The following SMG6 variants were observed in gnomAD, a reference collection of about 807,000 sequenced individuals.
The protein encoded by SMG6 is SMG6 nonsense mediated mRNA decay factor.
In SMG6, 66 loss-of-function variants were observed where a neutral mutation model predicts 142.2. The observed-to-expected ratio is 0.46, with a 90% confidence interval of 0.38 to 0.57. The LOEUF is 0.57. Among genes scored for constraint, SMG6 ranks in the 20% least tolerant of loss-of-function variants. The pLI is 0.00. For missense variants in SMG6, 1,793 were observed against 1,832.0 expected (o/e 0.98, Z 0.39); for synonymous variants, 779 against 702.4 (o/e 1.11, Z -1.72).
At chr17:2,063,244 C>T (rs997558107) in intron 18 of SMG6, 2 of 152,248 alleles carry the variant, frequency 1.3e-5, no homozygotes, top group Admixed American at 1.3e-4. Flanking sequence ...TGTTTTGACA[C>T]TGGTAACTTC....
chr17:2,136,698 T>G (rs1207111363), intron 13 of SMG6, among the ~76,000 whole-genome samples: 1 of 151,628 alleles, frequency 6.6e-6, no homozygotes, highest in African/African-American at 2.4e-5. Flanking sequence ...CAAAGACGAT[T>G]CAATCCCTGA....
At chr17:2,230,211 AAAAAAAAAAAG>A (rs2073437148) in intron 10 of SMG6, among the ~76,000 whole-genome samples, 4 of 114,106 alleles carry the variant, frequency 3.5e-5, no homozygotes, top group African/African-American at 6.9e-5. Flanking sequence ...AAAAAAAAAA[AAAAAAAAAAAG>A]GAAAAGAAAG....
At chr17:2,180,663 T>C (rs1476459648) in intron 12 of SMG6, among the ~76,000 whole-genome samples, 1 of 151,888 alleles carries the variant, frequency 6.6e-6, no homozygotes, top group Non-Finnish European at 1.5e-5. Flanking sequence ...GGAATTCCCC[T>C]CAGAGAGGGG....
chr17:2,261,770 A>C (rs987149050), intron 8 of SMG6, among the ~76,000 whole-genome samples: 2 of 152,212 alleles, frequency 1.3e-5, no homozygotes, highest in African/African-American at 4.8e-5. Context: ...AATGCAACCC[A>C]TAAGATCTCA....
intron 15 of SMG6, among the ~76,000 whole-genome samples, chr17:2,075,582 C>A (rs1597343389): frequency 6.6e-6 from 1 of 152,228 alleles, no homozygotes; most frequent in Non-Finnish European, 1.5e-5. Context: ...GAGGCCACGC[C>A]TCATGCCTGG....
intron 10 of SMG6, among the ~76,000 whole-genome samples, chr17:2,221,015 T>C (rs2073155077): frequency 6.6e-6 from 1 of 152,048 alleles, no homozygotes; most frequent in African/African-American, 2.4e-5. Context: ...AGTAGGGAAA[T>C]AAAAAAGTAT....
chr17:2,299,998 T>C lies in SMG6; in HGVS notation c.755A>G (p.Asn252Ser), dbSNP rs755133428. 1 of 1,614,130 alleles carries C rather than the reference T, an allele frequency of 6.2e-7. No homozygotes were observed. The highest frequency in any genetic ancestry group is 1.7e-5 in the Admixed American group (1 of 60,028). The change falls in exon 2 of 19, where the codon AAT becomes AGT. Residue 252 changes from asparagine to serine, a missense_variant. Physicochemically the swap from Asn to Ser is conservative, Grantham distance 46. Transcript: ENST00000263073. The surrounding 1 kb of genome is among the most constrained non-coding windows in gnomAD (Gnocchi z 4.3). ...GCTGGTGCTGCGCGTGCGGTAGCGA[T>C]TCCTTCGTTTGTCTGAGCGGGAGTA... ...KRYSRSDKRR[N>S]RYRTRSTSSA...
At chr17:2,232,884 G>A (rs1412906297) in intron 10 of SMG6, 2 of 152,230 alleles carry the variant, frequency 1.3e-5, no homozygotes, top group East Asian at 3.9e-4. Flanking sequence ...CCATAACCTA[G>A]GGAAAGGCAA....
At chr17:2,185,329 A>G (rs567909974) in intron 12 of SMG6, among the ~76,000 whole-genome samples, 1 of 152,296 alleles carries the variant, frequency 6.6e-6, no homozygotes, top group East Asian at 1.9e-4. Flanking sequence ...ACAGACACAC[A>G]GACAAATGGA....
chr17:2,087,765 C>T, intron 13 of SMG6: 2 of 985,978 alleles, frequency 2.0e-6, no homozygotes, highest in African/African-American at 1.7e-5. Context: ...TGAGTAATAG[C>T]CTGGCAGGCA....
chr17:2,087,728 A>T (rs2068603859), intron 13 of SMG6: 1 of 986,886 alleles, frequency 1.0e-6, no homozygotes, highest in African/African-American at 1.7e-5. Context: ...AGCAGGGGCT[A>T]AAAGGCATTA....
intron 13 of SMG6, among the ~76,000 whole-genome samples, chr17:2,145,598 G>A (rs575665122): frequency 6.6e-5 from 8 of 121,236 alleles, no homozygotes; most frequent in African/African-American, 2.3e-4. Context: ...CCGAGATCGC[G>A]CCACTGCACT....
chr17:2,195,045 C>T (rs7213756), intron 10 of SMG6, among the ~76,000 whole-genome samples: 2 of 151,888 alleles, frequency 1.3e-5, no homozygotes, highest in African/African-American at 2.4e-5. Flanking sequence ...TAGCAAGAGG[C>T]GGCCTGGGAA....
intron 8 of SMG6, among the ~76,000 whole-genome samples, chr17:2,255,232 G>A (rs1355871483): frequency 7.3e-5 from 11 of 150,944 alleles, no homozygotes; most frequent in Admixed American, 5.3e-4. Context: ...GTGAAACCCC[G>A]TCTCTACTAA....
chr17:2,082,050 C>T lies in SMG6; in HGVS notation c.3535-94G>A, dbSNP rs996760955. The T allele has an allele frequency of 2.9e-5, 39 of 1,356,350 alleles. 1 individual carries two copies. The South Asian group carries it at 4.2e-4, about 15-fold the overall frequency. The allele number at this position is 1,356,350 out of a possible 1,614,324, so 84.0% of individuals were successfully genotyped here. On this transcript the variant is annotated intron_variant, in intron 14 of 18. Transcript: ENST00000263073. The stretch of plus-strand genomic sequence containing the variant: ...CAACATTGCCCTTGTGGCCCCTCAC[C>T]CACGCAGACTGGGACCATCCCTTGC...
rs538779866 is a variant in SMG6 at position 2,279,500 on chromosome 17, ACTGT to A, written c.2661+3143_2661+3146del. Among the ~76,000 whole-genome samples, 103 of 152,354 alleles carry A rather than the reference ACTGT, an allele frequency of 6.8e-4. 1 individual carries two copies. The highest frequency in any genetic ancestry group is 1.2e-3 in the Non-Finnish European group (85 of 68,036). On this transcript the variant is annotated intron_variant, in intron 8 of 18. Transcript: ENST00000263073. ...ATTTGGAAGTTCATTCATTTGGGTT[ACTGT>A]CTAAAATGAAAGGCCAGAAGAGGAC...
chr17:2,087,647 G>C, intron 13 of SMG6: 1 of 996,598 alleles, frequency 1.0e-6, no homozygotes, highest in Non-Finnish European at 1.2e-6. Flanking sequence ...AGCTTGTCTT[G>C]GCCCAGGGCA....
At chr17:2,133,300 C>T (rs1274439553) in intron 13 of SMG6, among the ~76,000 whole-genome samples, 1 of 152,108 alleles carries the variant, frequency 6.6e-6, no homozygotes, top group South Asian at 2.1e-4. Flanking sequence ...TAAGACAAAG[C>T]AAGTCCTCAG....
At chr17:2,194,271 G>C (rs1013525904) in intron 10 of SMG6, among the ~76,000 whole-genome samples, 4 of 152,206 alleles carry the variant, frequency 2.6e-5, no homozygotes, top group African/African-American at 7.2e-5. Context: ...ACTCAACAGT[G>C]AGGGAGCACT....
Sources: gnomAD v4.1 joint callset for allele counts (sites outside exome capture counted in the v4.1 genomes callset) on GRCh38, gnomAD v4.1.1 for gene constraint, Gnocchi (gnomAD v3.1) non-coding constraint, MANE v1.5 for transcripts, NCBI Gene and HGNC (gene_info 2026-07-23, HGNC 2026-07-21) for gene names.